CNTNAP5: variants seen among roughly 807,000 people sequenced by gnomAD.
The protein encoded by CNTNAP5 is contactin-associated protein-like 5.
CNTNAP5 carries 72 observed loss-of-function variants against 150.2 expected under a neutral mutation model. The observed-to-expected ratio is 0.48, with a 90% CI of 0.40 to 0.58. The LOEUF (loss-of-function observed/expected upper bound fraction) is 0.58, where lower values mean the gene tolerates loss of function less well. Ranked by LOEUF, CNTNAP5 falls within the 20% of genes least tolerant of loss-of-function variation. CNTNAP5 has a pLI of 0.00. For missense variants in CNTNAP5, 1,636 were observed against 1,626.2 expected (o/e 1.01, Z -0.10); for synonymous variants, 672 against 619.8 (o/e 1.08, Z -1.25).
chr2:124,413,587 T>C (rs533565044), intron 3 of CNTNAP5, among the ~76,000 whole-genome samples: 75 of 131,156 alleles, frequency 5.7e-4, no homozygotes, highest in Admixed American at 1.4e-3. Flanking sequence ...TGTAGGGACA[T>C]GGATGAAATT....
At chr2:124,285,129 G>T (rs1286923472) in intron 3 of CNTNAP5, among the ~76,000 whole-genome samples, 1 of 152,160 alleles carries the variant, frequency 6.6e-6, no homozygotes, top group South Asian at 2.1e-4. Context: ...TTTTCCACCG[G>T]GCAACTTGAG....
At chr2:124,669,680 C>T (rs771599074) in intron 13 of CNTNAP5, among the ~76,000 whole-genome samples, 1 of 152,216 alleles carries the variant, frequency 6.6e-6, no homozygotes, top group African/African-American at 2.4e-5. Context: ...CAAATATGCT[C>T]TTCCAGCATT....
At chr2:124,257,630 T>C (rs548597625) in intron 3 of CNTNAP5, among the ~76,000 whole-genome samples, 144 of 152,322 alleles carry the variant, frequency 9.5e-4, no homozygotes, top group Non-Finnish European at 1.7e-3. Flanking sequence ...CAAGTAAAAG[T>C]GATCCTTTGC....
At chr2:124,452,155 G>A (rs532857121) in intron 6 of CNTNAP5, among the ~76,000 whole-genome samples, 128 of 152,202 alleles carry the variant, frequency 8.4e-4, no homozygotes, top group African/African-American at 2.8e-3. Flanking sequence ...CAAGTTCACA[G>A]CCCTGCTTTT....
chr2:124,227,934 A>G (rs1686505869), intron 2 of CNTNAP5, among the ~76,000 whole-genome samples: 1 of 152,074 alleles, frequency 6.6e-6, no homozygotes, highest in Admixed American at 6.6e-5. Flanking sequence ...ACATATATAC[A>G]CGCACACACA....
At chr2:124,311,510 A>G (rs1015414803) in intron 3 of CNTNAP5, among the ~76,000 whole-genome samples, 1 of 152,220 alleles carries the variant, frequency 6.6e-6, no homozygotes, top group African/African-American at 2.4e-5. Context: ...TTACAAGGAC[A>G]CCAATCCTAC....
At chr2:124,460,519 A>G (rs4848935) in intron 6 of CNTNAP5, among the ~76,000 whole-genome samples, 149,122 of 152,278 alleles carry the variant, frequency 0.98, 73,099 homozygotes, top group Non-Finnish European at 1. Flanking sequence ...TAGTCCAGCC[A>G]TAGAATTTAA....
intron 13 of CNTNAP5, among the ~76,000 whole-genome samples, chr2:124,733,617 A>C (rs2105129836): frequency 6.6e-6 from 1 of 152,286 alleles, no homozygotes; most frequent in Non-Finnish European, 1.5e-5. Flanking sequence ...GTAGACCAAT[A>C]TGAAAAGTAG....
At chr2:124,485,612 C>CAAAAAAAAAAAAAAAAA (rs576700912) in intron 7 of CNTNAP5, among the ~76,000 whole-genome samples, 3 of 52,396 alleles carry the variant, frequency 5.7e-5, no homozygotes, top group African/African-American at 2.6e-4. Context: ...GACTCTGTCT[C>CAAAAAAAAAAAAAAAAA]AAAAAAAAAA....
chr2:124,193,517 T>G (rs1685506320), intron 1 of CNTNAP5, among the ~76,000 whole-genome samples: 1 of 152,150 alleles, frequency 6.6e-6, no homozygotes, highest in Non-Finnish European at 1.5e-5. Context: ...CAGCAAGCTG[T>G]TTTAAGATTA....
At chr2:124,579,199 G>T (rs1696358471) in intron 11 of CNTNAP5, among the ~76,000 whole-genome samples, 1 of 152,112 alleles carries the variant, frequency 6.6e-6, no homozygotes, top group African/African-American at 2.4e-5. Flanking sequence ...GGCATCATTT[G>T]TTAGGTCCTT....
chr2:124,316,054 T>C (rs1406005939), intron 3 of CNTNAP5, among the ~76,000 whole-genome samples: 3 of 152,200 alleles, frequency 2.0e-5, no homozygotes, highest in African/African-American at 7.2e-5. Flanking sequence ...AGATGCAGAC[T>C]CCAACAGAAC....
intron 2 of CNTNAP5, among the ~76,000 whole-genome samples, chr2:124,238,092 A>G (rs1416122224): frequency 6.6e-6 from 1 of 152,142 alleles, no homozygotes; most frequent in Non-Finnish European, 1.5e-5. Flanking sequence ...TACTGGAAAC[A>G]ATGTCAAGGT....
chr2:124,868,219 T>C (rs1677672345), intron 20 of CNTNAP5, among the ~76,000 whole-genome samples: 1 of 152,154 alleles, frequency 6.6e-6, no homozygotes, highest in African/African-American at 2.4e-5. Flanking sequence ...CATTCTTTTG[T>C]CCAAACCCTG....
At chr2:124,569,268 C>A (rs2104937392) in intron 11 of CNTNAP5, among the ~76,000 whole-genome samples, 1 of 152,210 alleles carries the variant, frequency 6.6e-6, no homozygotes, top group South Asian at 2.1e-4. Context: ...TTATTGTTTA[C>A]TACAACTTGT....
chr2:124,903,790 A>AT (rs1476519696), intron 22 of CNTNAP5, among the ~76,000 whole-genome samples: 3 of 152,144 alleles, frequency 2.0e-5, no homozygotes, highest in Admixed American at 1.3e-4. Context: ...GTGGTGGCTT[A>AT]TGCCTGAAAT....
intron 1 of CNTNAP5, among the ~76,000 whole-genome samples, chr2:124,185,349 A>G (rs1327989361): frequency 3.3e-5 from 5 of 152,304 alleles, no homozygotes; most frequent in South Asian, 2.1e-4. Flanking sequence ...GGCAAGGACA[A>G]ATTTTAGCAT....
chr2:124,165,260 T>C (rs1251616184), intron 1 of CNTNAP5, among the ~76,000 whole-genome samples: 2 of 152,124 alleles, frequency 1.3e-5, no homozygotes, highest in African/African-American at 4.8e-5. Context: ...GTAGAGGAGT[T>C]TGTGCAGTAG....
chr2:124,283,974 C>T (rs1688084783), intron 3 of CNTNAP5, among the ~76,000 whole-genome samples: 1 of 152,158 alleles, frequency 6.6e-6, no homozygotes, highest in Non-Finnish European at 1.5e-5. Flanking sequence ...AGGGAAGACA[C>T]AATTATTGAG....
Sources: gnomAD v4.1 joint callset for allele counts (sites outside exome capture counted in the v4.1 genomes callset) on GRCh38, gnomAD v4.1.1 for gene constraint, MANE v1.5 for transcripts, NCBI Gene and HGNC (gene_info 2026-07-23, HGNC 2026-07-21) for gene names.